LMBR1: variants seen among roughly 807,000 people sequenced by gnomAD.
The protein encoded by LMBR1 is limb development membrane protein 1, also known as limb region 1 protein homolog.
In LMBR1, 52 loss-of-function variants were observed where a neutral mutation model predicts 73.9. The ratio of observed to expected loss-of-function variants is 0.70; its 90% CI spans 0.56 to 0.89. The LOEUF (loss-of-function observed/expected upper bound fraction) is 0.89. Ranked by LOEUF, LMBR1 falls within the 40% of genes least tolerant of loss-of-function variation. LMBR1 has a pLI of 0.00. For missense variants in LMBR1, 539 were observed against 579.8 expected, an observed-to-expected ratio of 0.93 and a Z score of 0.72; for synonymous variants, 215 against 209.4, an observed-to-expected ratio of 1.03 and a Z score of -0.23.
chr7:156,813,049 G>C (rs1833369283), intron 4 of LMBR1, among the ~76,000 whole-genome samples: 1 of 152,158 alleles, frequency 6.6e-6, no homozygotes, highest in Non-Finnish European at 1.5e-5. Flanking sequence ...CTCCACCTTA[G>C]CCAGACTATT....
At chr7:156,752,416 G>A (rs1821074428) in intron 9 of LMBR1, among the ~76,000 whole-genome samples, 1 of 152,168 alleles carries the variant, frequency 6.6e-6, no homozygotes, top group Admixed American at 6.5e-5. Context: ...GGGAAAAACT[G>A]GATCATGACA....
intron 15 of LMBR1, among the ~76,000 whole-genome samples, chr7:156,694,070 T>C (rs748147187): frequency 3.3e-5 from 5 of 152,158 alleles, no homozygotes; most frequent in African/African-American, 9.7e-5. Context: ...TCAGTAGATG[T>C]AGAAAAGAGC....
intron 15 of LMBR1, among the ~76,000 whole-genome samples, chr7:156,700,284 T>C (rs893778923): frequency 3.3e-5 from 5 of 151,994 alleles, no homozygotes; most frequent in South Asian, 4.2e-4. Context: ...CAGCAAACTA[T>C]TGCAAGGACA....
chr7:156,710,257 C>T (rs950679418), intron 15 of LMBR1, among the ~76,000 whole-genome samples: 1 of 151,868 alleles, frequency 6.6e-6, no homozygotes, highest in African/African-American at 2.4e-5. Context: ...AGGTGAAAAC[C>T]AATTTAAAGA....
chr7:156,793,785 C>T lies in LMBR1; in HGVS notation c.423+2604G>A, dbSNP rs532225796. On this transcript the variant is annotated intron_variant, in intron 5 of 16. Transcript: ENST00000353442. ...TAATAGCTAATTTACTAAATGAAGTCCTGGGCTATGTGCATTACATGAATA... is the reference window on the plus strand; with the variant it reads ...TAATAGCTAATTTACTAAATGAAGTTCTGGGCTATGTGCATTACATGAATA... 9.8e-5 allele frequency among the ~76,000 whole-genome samples: 15 copies of T among 152,292 alleles called. No homozygotes were observed. The East Asian group carries it at 1.5e-3, about 16-fold the overall frequency.
rs1455715583 is a variant in LMBR1, at chr7:156,849,924, T to C, written c.67-13039A>G. ...GATAATGGCCAAGGCTATGCATGTG[T>C]GGAGCCAAGGGATATATGGAAAAAT... is the stretch of plus-strand genomic sequence containing the variant. On this transcript the variant is annotated intron_variant, in intron 1 of 16. Transcript: ENST00000353442. 2.0e-5 allele frequency among the ~76,000 whole-genome samples: 3 copies of C among 152,180 alleles called. No homozygotes were observed. In the East Asian group the frequency reaches 5.8e-4, roughly 29 times the overall value.
intron 1 of LMBR1, among the ~76,000 whole-genome samples, chr7:156,842,152 T>C (rs1411407773): frequency 6.6e-6 from 1 of 150,798 alleles, no homozygotes; most frequent in Non-Finnish European, 1.5e-5. Flanking sequence ...TCAAATCAGA[T>C]ACATACGGAG....
intron 15 of LMBR1, among the ~76,000 whole-genome samples, chr7:156,722,016 C>CACATT (rs199702270): frequency 6.6e-6 from 1 of 151,562 alleles, no homozygotes; most frequent in Non-Finnish European, 1.5e-5. Context: ...AAAACATCAT[C>CACATT]ATTTCTTTTA....
At chr7:156,688,733 T>C (rs1806503892) in intron 15 of LMBR1, among the ~76,000 whole-genome samples, 1 of 152,194 alleles carries the variant, frequency 6.6e-6, no homozygotes, top group African/African-American at 2.4e-5. Context: ...GGACCTTCCA[T>C]GGCCTTCTAT....
At chr7:156,732,253 T>C (rs1816974339) in intron 10 of LMBR1, among the ~76,000 whole-genome samples, 1 of 152,084 alleles carries the variant, frequency 6.6e-6, no homozygotes, top group South Asian at 2.1e-4. Flanking sequence ...GGAAGAACAA[T>C]GATGCCTGAG....
chr7:156,768,646 A>C (rs1193955154), intron 5 of LMBR1, among the ~76,000 whole-genome samples: 1 of 152,164 alleles, frequency 6.6e-6, no homozygotes, highest in Non-Finnish European at 1.5e-5. Flanking sequence ...GGTTTCCCCC[A>C]GGAGGTATCT....
At chr7:156,751,454 G>C (rs997763827) in intron 9 of LMBR1, among the ~76,000 whole-genome samples, 2 of 152,190 alleles carry the variant, frequency 1.3e-5, no homozygotes, top group Admixed American at 6.5e-5. Flanking sequence ...AGCAGCCACT[G>C]CAAGGACTCT....
chr7:156,768,156 G>C (rs111521888), intron 5 of LMBR1, among the ~76,000 whole-genome samples: 16,158 of 152,032 alleles, frequency 0.11, 909 homozygotes, highest in East Asian at 0.15. Context: ...GAGGCCAAGG[G>C]GGATGGATCC....
intron 5 of LMBR1, among the ~76,000 whole-genome samples, chr7:156,788,320 A>AT (rs1477769513): frequency 2.6e-5 from 4 of 152,182 alleles, no homozygotes; most frequent in Admixed American, 2.6e-4. Flanking sequence ...TCTAGTGAAG[A>AT]TTAACTTGGA....
At chr7:156,884,818 G>C (rs1284900657) in intron 1 of LMBR1, among the ~76,000 whole-genome samples, 1 of 152,232 alleles carries the variant, frequency 6.6e-6, no homozygotes, top group Admixed American at 6.5e-5. Flanking sequence ...TACAAGATTG[G>C]TGATTGGTTC....
Position 156,734,016 on chromosome 7 carries a change from T to C in LMBR1, c.838+161A>G, listed in dbSNP as rs1003130552. ...AAAAAAGTGAATAAATGTAAACTTA[T>C]CCTCTCCCCAAACTGTAAGATAGTC... On this transcript the variant is annotated intron_variant, in intron 10 of 16. Transcript: ENST00000353442. The C allele has an allele frequency of 1.0e-4, 49 of 478,524 alleles. No homozygotes were observed. The East Asian group carries it at 1.5e-3, about 15-fold the overall frequency. The allele number at this position is 478,524 out of a possible 1,614,324, so 29.6% of individuals were successfully genotyped here. A position where few individuals can be genotyped will look rare whatever the true frequency, so the allele number is the denominator to read the frequency against.
At chr7:156,806,161 A>G (rs1832029091) in intron 4 of LMBR1, among the ~76,000 whole-genome samples, 1 of 136,446 alleles carries the variant, frequency 7.3e-6, no homozygotes, top group African/African-American at 2.7e-5. Context: ...GGTACTCTTT[A>G]ATTTCTCTCA....
At chr7:156,782,582 T>C (rs1827342037) in intron 5 of LMBR1, among the ~76,000 whole-genome samples, 1 of 152,290 alleles carries the variant, frequency 6.6e-6, no homozygotes, top group East Asian at 1.9e-4. Flanking sequence ...TCTCACTTTG[T>C]CATCCAGGCT....
At chr7:156,816,431 A>G (rs1482701145) in intron 4 of LMBR1, among the ~76,000 whole-genome samples, 1 of 152,146 alleles carries the variant, frequency 6.6e-6, no homozygotes, top group Non-Finnish European at 1.5e-5. Context: ...CAGTAGATCA[A>G]ACAAGGAGTA....
Sources: allele counts gnomAD v4.1 joint callset (sites outside exome capture counted in the v4.1 genomes callset), GRCh38; gene constraint gnomAD v4.1.1; transcripts MANE v1.5; gene names NCBI Gene and HGNC (gene_info 2026-07-23, HGNC 2026-07-21).